KIF6: variants seen among roughly 807,000 people sequenced by gnomAD.
The protein encoded by KIF6 is kinesin family member 6.
KIF6 carries 106 observed loss-of-function variants against 112.7 expected under a neutral mutation model. The observed-to-expected ratio is 0.94, with a 90% CI of 0.80 to 1.11. The LOEUF (loss-of-function observed/expected upper bound fraction) is 1.11. Ranked by LOEUF, KIF6 falls within the 50% of genes least tolerant of loss-of-function variation. The probability of loss-of-function intolerance (pLI) is 0.00; values close to 1 mark genes in which losing one functional copy is unlikely to be tolerated. For synonymous variants in KIF6, 339 were observed against 339.9 expected (o/e 1.00, Z 0.03); for missense variants, 929 against 964.0 (o/e 0.96, Z 0.48).
intron 13 of KIF6, among the ~76,000 whole-genome samples, chr6:39,455,455 C>T (rs1562232570): frequency 6.6e-6 from 1 of 151,928 alleles, no homozygotes; most frequent in Non-Finnish European, 1.5e-5. Flanking sequence ...CTCTAAAACG[C>T]AGAGTGCCTC....
chr6:39,423,683 C>T (rs886443321), intron 14 of KIF6, among the ~76,000 whole-genome samples: 3 of 152,114 alleles, frequency 2.0e-5, no homozygotes, highest in Non-Finnish European at 4.4e-5. Context: ...TTGTTCCTGT[C>T]TCAATGCACA....
At chr6:39,678,793 T>G (rs941643246) in intron 3 of KIF6, among the ~76,000 whole-genome samples, 3 of 152,206 alleles carry the variant, frequency 2.0e-5, no homozygotes, top group Non-Finnish European at 4.4e-5. Flanking sequence ...ACAAAAGGCT[T>G]GATTTTAAAA....
intron 10 of KIF6, among the ~76,000 whole-genome samples, chr6:39,568,435 T>C (rs763203063): frequency 6.6e-6 from 1 of 152,216 alleles, no homozygotes. Flanking sequence ...ATTTGGGACC[T>C]GGGTCATAGG....
chr6:39,524,800 C>A (rs1777611218), intron 13 of KIF6, among the ~76,000 whole-genome samples: 1 of 152,222 alleles, frequency 6.6e-6, no homozygotes, highest in Admixed American at 6.5e-5. Context: ...CTCACTTCCA[C>A]AGGTGTTGGC....
chr6:39,440,037 C>T (rs1271029026), intron 13 of KIF6, among the ~76,000 whole-genome samples: 1 of 152,108 alleles, frequency 6.6e-6, no homozygotes, highest in Non-Finnish European at 1.5e-5. Flanking sequence ...AATATATTTT[C>T]CTTGGGAGAT....
chr6:39,531,761 C>T (rs1383338567), intron 13 of KIF6, among the ~76,000 whole-genome samples: 1 of 152,132 alleles, frequency 6.6e-6, no homozygotes, highest in Non-Finnish European at 1.5e-5. Flanking sequence ...AGATCCCTGT[C>T]CACTCGACCT....
chr6:39,475,071 T>C (rs1205331368), intron 13 of KIF6, among the ~76,000 whole-genome samples: 2 of 152,218 alleles, frequency 1.3e-5, no homozygotes, highest in East Asian at 3.8e-4. Flanking sequence ...GAAACAAATG[T>C]TGGAAGGAGC....
intron 13 of KIF6, among the ~76,000 whole-genome samples, chr6:39,443,127 A>AATAATAATAATG (rs1772039269): frequency 7.9e-6 from 1 of 126,650 alleles, no homozygotes; most frequent in Non-Finnish European, 1.6e-5. Flanking sequence ...TAATAATAAT[A>AATAATAATAATG]ATAATAATAA....
intron 3 of KIF6, among the ~76,000 whole-genome samples, chr6:39,670,424 C>A (rs1479580980): frequency 6.6e-6 from 1 of 152,020 alleles, no homozygotes; most frequent in East Asian, 1.9e-4. Flanking sequence ...AATTTTGTAC[C>A]ATATTCTTAC....
intron 13 of KIF6, among the ~76,000 whole-genome samples, chr6:39,473,532 T>C (rs935272712): frequency 6.6e-6 from 1 of 152,156 alleles, no homozygotes; most frequent in Non-Finnish European, 1.5e-5. Context: ...AGACTAAATG[T>C]TGTATAATAT....
chr6:39,503,589 AAAG>A (rs142783170), intron 13 of KIF6, among the ~76,000 whole-genome samples: 6,404 of 152,216 alleles, frequency 0.042, 266 homozygotes, highest in East Asian at 0.25. Context: ...CTAGAACAAT[AAAG>A]AAGAAAAGAG....
At chr6:39,536,442 T>C (rs78179522) in intron 13 of KIF6, among the ~76,000 whole-genome samples, 67,788 of 149,646 alleles carry the variant, frequency 0.45, 18,269 homozygotes, top group African/African-American at 0.77. Flanking sequence ...AACAACTCTA[T>C]GCAAATAAAC....
chr6:39,679,206 T>C (rs1052851476), intron 3 of KIF6, among the ~76,000 whole-genome samples: 5 of 152,234 alleles, frequency 3.3e-5, no homozygotes, highest in Admixed American at 3.3e-4. Context: ...CTGTACCTAC[T>C]TGTGTGGAAA....
intron 13 of KIF6, among the ~76,000 whole-genome samples, chr6:39,476,520 G>A (rs1394076304): frequency 1.3e-5 from 2 of 152,198 alleles, no homozygotes; most frequent in Admixed American, 6.5e-5. Flanking sequence ...TGCACCATCA[G>A]AAGGAGCTGG....
intron 19 of KIF6, among the ~76,000 whole-genome samples, chr6:39,348,570 A>G (rs189238774): frequency 9.2e-5 from 14 of 152,322 alleles, no homozygotes; most frequent in Middle Eastern, 6.8e-3. Context: ...TTGCCCAACC[A>G]GCCTTTGACA....
chr6:39,630,295 A>G lies in KIF6; in HGVS notation c.509+4554T>C, dbSNP rs1416894421. 2.0e-5 allele frequency among the ~76,000 whole-genome samples: 3 copies of G among 152,210 alleles called. No individual in the cohort carries two copies. The East Asian group carries it at 5.8e-4, about 29-fold the overall frequency. On this transcript the variant is annotated intron_variant, in intron 5 of 22. Coordinates refer to ENST00000287152, the MANE Select transcript of KIF6 (RefSeq NM_145027.6). ...TCAAGTGAGAAAGAACTGACATCTTAACAATATTGAGTCTTCTTATCCATG... is the reference window on the plus strand; with the variant it reads ...TCAAGTGAGAAAGAACTGACATCTTGACAATATTGAGTCTTCTTATCCATG...
chr6:39,493,468 TTC>T (rs1359947990), intron 13 of KIF6, among the ~76,000 whole-genome samples: 1 of 152,236 alleles, frequency 6.6e-6, no homozygotes, highest in Non-Finnish European at 1.5e-5. Flanking sequence ...GATTCTTTCC[TTC>T]TCTGTTTCCC....
chr6:39,410,197 G>T (rs1769385099), intron 15 of KIF6, among the ~76,000 whole-genome samples: 1 of 152,186 alleles, frequency 6.6e-6, no homozygotes, highest in African/African-American at 2.4e-5. Context: ...CTGATATCTA[G>T]ATAATAATAT....
intron 1 of KIF6, among the ~76,000 whole-genome samples, chr6:39,722,529 G>T (rs1195171353): frequency 6.6e-6 from 1 of 152,042 alleles, no homozygotes; most frequent in African/African-American, 2.4e-5. Context: ...AACTATCAAA[G>T]ATTCATTTTA....
Sources: allele counts gnomAD v4.1 joint callset (sites outside exome capture counted in the v4.1 genomes callset), GRCh38; gene constraint gnomAD v4.1.1; transcripts MANE v1.5; gene names NCBI Gene and HGNC (gene_info 2026-07-23, HGNC 2026-07-21).